MYBBP1A: variants seen among roughly 807,000 people sequenced by gnomAD.
MYBBP1A encodes MYB binding protein 1a, also known as myb-binding protein 1A.
Under a neutral mutation model 136.3 loss-of-function variants are expected in MYBBP1A, and 147 were observed. That is an observed-to-expected ratio of 1.08 (90% CI 0.94 to 1.24). The LOEUF is 1.24. MYBBP1A is among the 50% of genes most tolerant of loss of function. The probability of loss-of-function intolerance (pLI) is 0.00; values close to 1 mark genes in which losing one functional copy is unlikely to be tolerated. For missense variants in MYBBP1A, 2,060 were observed against 1,727.4 expected, an observed-to-expected ratio of 1.19 and a Z score of -3.41; for synonymous variants, 947 against 735.8, an observed-to-expected ratio of 1.29 and a Z score of -4.65.
rs758117327 is a variant in MYBBP1A, at chr17:4,538,921, C to T, written c.*494G>A. 5.4e-5 allele frequency: 42 copies of T among 782,402 alleles called. No homozygotes were observed. The highest frequency in any genetic ancestry group is 1.4e-4 in the Admixed American group (8 of 59,014). The allele number at this position is 782,402 out of a possible 1,614,324, so 48.5% of individuals were successfully genotyped here. On this transcript the variant is annotated 3_prime_UTR_variant, in exon 26 of 26. Transcript: ENST00000254718. ...TCCGAGTGTTGCCTCCTCTTCCTTC[C>T]GGAAGCCAAACTGCTCCTTTATTTT...
At chr17:4,550,403 G>T in intron 8 of MYBBP1A, 50 bp from the exon 9 acceptor site, 1 of 1,558,106 alleles carries the variant, frequency 6.4e-7, no homozygotes. Context: ...GGGGGCAGGC[G>T]GTTAACAACC....
chr17:4,551,578 G>A (rs1907502697), intron 8 of MYBBP1A, among the ~76,000 whole-genome samples: 1 of 152,158 alleles, frequency 6.6e-6, no homozygotes, highest in African/African-American at 2.4e-5. Flanking sequence ...GCGTGGTATT[G>A]GGCGCCTGTA....
chr17:4,541,877 G>C lies in MYBBP1A; in HGVS notation c.3102C>G (p.Leu1034=). The stretch of plus-strand genomic sequence containing the variant: ...CCTCCCGCATGGACAGGGTCTTCTG[G>C]AGCAGCAGGCAGGCCTGTGGGTGGG... ...VRPRHQACLL[L]QKTLSMREVR... The change falls in exon 23 of 26, where the codon CTC becomes CTG. Residue 1034 remains leucine, a synonymous_variant. Coordinates refer to ENST00000254718, the MANE Select transcript of MYBBP1A (RefSeq NM_014520.4). The C allele has an allele frequency of 6.2e-7, 1 of 1,613,694 alleles. No individual in the cohort carries two copies. Among genetic ancestry groups the C allele is most frequent in the Non-Finnish European group, 8.5e-7 (1 of 1,179,950 alleles).
At chr17:4,549,172 C>T (rs1037400391) in intron 10 of MYBBP1A, among the ~76,000 whole-genome samples, 160 bp downstream of exon 10, 21 of 152,236 alleles carry the variant, frequency 1.4e-4, no homozygotes, top group Admixed American at 2.0e-4. Flanking sequence ...CTTCCCTTCA[C>T]GGGTTCCTGA....
chr17:4,546,191 TCAC>T (rs1166193449), intron 13 of MYBBP1A, among the ~76,000 whole-genome samples: 2 of 152,202 alleles, frequency 1.3e-5, no homozygotes, highest in South Asian at 4.1e-4. Context: ...TGATCTCGGC[TCAC>T]CACAACTTCT....
chr17:4,545,956 A>C lies in MYBBP1A; in HGVS notation c.1825-14T>G. 5 of 1,610,820 alleles carry C rather than the reference A, an allele frequency of 3.1e-6. No homozygotes were observed. Among genetic ancestry groups the C allele is most frequent in the Non-Finnish European group, 3.4e-6 (4 of 1,178,462 alleles). On this transcript the variant is annotated splice_polypyrimidine_tract_variant and intron_variant, in intron 13 of 25. Transcript: ENST00000254718. ...CTCTGCAGGGGACTGCGGGCAGGGT[A>C]GGACACACACTGGGGCCAGGCCCTG...
chr17:4,544,425 C>A, intron 19 of MYBBP1A, 64 bp downstream of exon 19: 2 of 1,532,872 alleles, frequency 1.3e-6, no homozygotes, highest in Non-Finnish European at 1.7e-6. Context: ...AAGCCTAGAG[C>A]TCTGGCTCTC....
In MYBBP1A at chr17:4,541,829, G is replaced by C. The variant is rs544222021; in HGVS notation, c.3150C>G (p.Pro1050=). 6.2e-7 allele frequency: 1 copy of C among 1,613,960 alleles called. No individual in the cohort carries two copies. Among genetic ancestry groups the C allele is most frequent in the African/African-American group, 1.3e-5 (1 of 74,946 alleles). Residue 1050 remains proline (P), a synonymous_variant, in exon 23 of 26, where the codon CCC becomes CCG. Coordinates refer to ENST00000254718, the MANE Select transcript of MYBBP1A (RefSeq NM_014520.4). ...CCTGGCCCATCAGCTGCTTCCACTCGGGGTCCTCAAAGCACGACCTCACCT... is the reference window on the plus strand; with the variant it reads ...CCTGGCCCATCAGCTGCTTCCACTCCGGGTCCTCAAAGCACGACCTCACCT... ...MREVRSCFED[P]EWKQLMGQVL...
At position 4,549,410 on chromosome 17, in the gene MYBBP1A, C is replaced by T; in HGVS notation, c.1352G>A (p.Trp451Ter). The T allele has an allele frequency of 6.2e-7, 1 of 1,613,282 alleles. No homozygotes were observed. The highest frequency in any genetic ancestry group is 8.5e-7 in the Non-Finnish European group (1 of 1,179,964). Reference protein sequence around the residue: ...PERAVFRLRKWIIFRLVSIVD... With the variant: ...PERAVFRLRK ...AATGCTCACCAATCGAAAGATGATC[C>T]ATTTCCTCAGCCGGAACACAGCTCG... is the stretch of plus-strand genomic sequence containing the variant. The change falls in exon 10 of 26, where the codon TGG becomes TAG. Residue 451 changes from tryptophan (W) to a stop codon, truncating the protein, a stop_gained. Transcript: ENST00000254718. LOFTEE classifies it high-confidence loss of function.
chr17:4,542,714 C>T lies in MYBBP1A; in HGVS notation c.2920G>A (p.Val974Met). 1 of 1,613,892 alleles carries T rather than the reference C, an allele frequency of 6.2e-7. No homozygotes were observed. The highest frequency in any genetic ancestry group is 8.5e-7 in the Non-Finnish European group (1 of 1,179,948). The stretch of plus-strand genomic sequence containing the variant: ...AGTGCTGTCGAGTACACCCGGGTCA[C>T]CAGGTTCAAGTCCAAGCAGCTGGCA... ...QAASCLDLNLVTRVYSTALSS... is the reference protein window; with the variant it reads ...QAASCLDLNLMTRVYSTALSS... Residue 974 changes from valine to methionine, a missense_variant, in exon 21 of 26, where the codon GTG becomes ATG. Transcript: ENST00000254718.
Position 4,539,874 on chromosome 17 carries a change from T to C in MYBBP1A, c.3528A>G (p.Pro1176=). ...SKKRKKKGFL[P]ETKKRKKRKS... ...TGCGTTTCTTGCGCTTCTTCGTCTC[T>C]GGCAAGAATCCCTTTTTCTTCCGCT... The change falls in exon 26 of 26, where the codon CCA becomes CCG. Residue 1176 remains proline, a synonymous_variant. Coordinates refer to ENST00000254718, the MANE Select transcript of MYBBP1A (RefSeq NM_014520.4). The C allele has an allele frequency of 6.2e-7, 1 of 1,604,774 alleles. No individual in the cohort carries two copies. Among genetic ancestry groups the C allele is most frequent in the South Asian group, 1.1e-5 (1 of 91,080 alleles).
chr17:4,547,654 T>C (rs971029018), intron 13 of MYBBP1A: 9 of 326,116 alleles, frequency 2.8e-5, no homozygotes, highest in Non-Finnish European at 3.9e-5. Context: ...CAGCAGGGGG[T>C]ACAGTGCAAG....
chr17:4,545,099 T>TCCTCCTCGCTCTCCTCCC lies in MYBBP1A; in HGVS notation c.2219_2236dup (p.Gly740_Glu745dup). The TCCTCCTCGCTCTCCTCCC allele has an allele frequency of 6.3e-7, 1 of 1,599,656 alleles. No homozygotes were observed. Among genetic ancestry groups the TCCTCCTCGCTCTCCTCCC allele is most frequent in the Non-Finnish European group, 8.5e-7 (1 of 1,174,218 alleles). ...CTGATCCACGTCCCCGTCGCGCTCC[T>TCCTCCTCGCTCTCCTCCC]CCTCCTCGCTCTCCTCCCCCTCGCT... On this transcript the variant is annotated inframe_insertion, in exon 17 of 26. Coordinates refer to ENST00000254718, the MANE Select transcript of MYBBP1A (RefSeq NM_014520.4).
intron 25 of MYBBP1A, 58 bp from the exon 26 acceptor site, chr17:4,540,025 CGCGACT>C (rs1567601958): frequency 1.3e-6 from 2 of 1,539,028 alleles, no homozygotes; most frequent in African/African-American, 1.4e-5. Flanking sequence ...CCACCGCCAC[CGCGACT>C]GCTACCTCCA....
intron 22 of MYBBP1A, 145 bp downstream of exon 22, chr17:4,542,319 T>C: frequency 1.1e-6 from 1 of 929,876 alleles, no homozygotes; most frequent in East Asian, 2.5e-5. Context: ...AGAGACCATG[T>C]ACCCACAGCC....
rs751088481 is a variant in MYBBP1A, at chr17:4,539,612, C to T, written c.3790G>A (p.Ala1264Thr). 1 of 1,614,022 alleles carries T rather than the reference C, an allele frequency of 6.2e-7. No homozygotes were observed. The highest frequency in any genetic ancestry group is 8.5e-7 in the Non-Finnish European group (1 of 1,179,994). ...GCAGGTTCCGTGGGGGACCCGGGAG[C>T]TCCATTCACCTGGGACGGCTTCTGG... ...KNQKPSQVNG[A>T]PGSPTEPAGQ... Residue 1264 changes from alanine to threonine, a missense_variant, in exon 26 of 26, where the codon GCT (alanine) becomes ACT (threonine). Transcript: ENST00000254718.
chr17:4,540,274 G>T, intron 25 of MYBBP1A, 74 bp downstream of exon 25: 1 of 1,389,078 alleles, frequency 7.2e-7, no homozygotes, highest in Non-Finnish European at 9.7e-7. Flanking sequence ...TGTGTGCAGC[G>T]TGTGTGTGTG....
In MYBBP1A at chr17:4,552,041, C is replaced by T. The variant is rs202060977; in HGVS notation, c.906-44G>A. 38 of 1,594,730 alleles carry T rather than the reference C, an allele frequency of 2.4e-5. No individual in the cohort carries two copies. The East Asian group carries it at 8.1e-4, about 34-fold the overall frequency. Reference sequence around the variant, plus strand: ...AGAGCCTGGTCAGAGCCCTTGGTGCCCCTGGTGGGAACCTCAGGACTAGTG... The same window carrying T: ...AGAGCCTGGTCAGAGCCCTTGGTGCTCCTGGTGGGAACCTCAGGACTAGTG... On this transcript the variant is annotated intron_variant, in intron 7 of 25. Transcript: ENST00000254718. This position sits in a 1 kb window ranked among gnomAD's most constrained non-coding sequence, Gnocchi z 4.7.
rs749533185 is a variant in MYBBP1A, at chr17:4,545,168, C to T, written c.2168G>A (p.Ser723Asn). 1.9e-6 allele frequency: 3 copies of T among 1,613,518 alleles called. No individual in the cohort carries two copies. The highest frequency in any genetic ancestry group is 3.3e-5 in the Admixed American group (2 of 59,990). The change falls in exon 17 of 26, where the codon AGC (serine) becomes AAC (asparagine). Residue 723 changes from serine to asparagine, a missense_variant. Ser to Asn is a conservative substitution (Grantham distance 46). Transcript: ENST00000254718. ...ERRLKGAEDKSEEGEDNRSSE... is the reference protein window; with the variant it reads ...ERRLKGAEDKNEEGEDNRSSE... ...GCTTCTGTTGTCCTCACCTTCCTCG[C>T]TCTTGTCCTGTGTGGTAGAGGCAGG...
Sources: gnomAD v4.1 joint callset for allele counts (sites outside exome capture counted in the v4.1 genomes callset) on GRCh38, gnomAD v4.1.1 for gene constraint, Gnocchi (gnomAD v3.1) non-coding constraint, MANE v1.5 for transcripts, NCBI Gene and HGNC (gene_info 2026-07-23, HGNC 2026-07-21) for gene names.